Variants in RSU1 observed in about 807,000 individuals in gnomAD.
The protein encoded by RSU1 is Ras suppressor protein 1.
A neutral mutation model predicts 31.1 loss-of-function variants in RSU1; 26 were observed. The ratio of observed to expected loss-of-function variants is 0.84; its 90% CI spans 0.61 to 1.16. The LOEUF is 1.16. Among genes scored for constraint, RSU1 ranks in the 50% most tolerant of loss-of-function variants. The probability of loss-of-function intolerance (pLI) is 0.00; values close to 1 mark genes in which losing one functional copy is unlikely to be tolerated. For synonymous variants in RSU1, 164 were observed against 136.3 expected (o/e 1.20, Z -1.41); for missense variants, 320 against 339.1 (o/e 0.94, Z 0.44).
intron 4 of RSU1, among the ~76,000 whole-genome samples, chr10:16,761,074 G>C (rs1227875848): frequency 1.3e-5 from 2 of 152,090 alleles, no homozygotes; most frequent in Non-Finnish European, 2.9e-5. Flanking sequence ...CCCAGGTAGA[G>C]TAGCTGCGAT....
chr10:16,776,935 TTG>T lies in RSU1; in HGVS notation c.160+5097_160+5098del, dbSNP rs1246041484. Among the ~76,000 whole-genome samples the T allele has an allele frequency of 2.6e-5, 4 of 152,114 alleles. No individual in the cohort carries two copies. The East Asian group carries it at 7.7e-4, about 29-fold the overall frequency. On this transcript the variant is annotated intron_variant, in intron 3 of 8. Transcript: ENST00000345264. ...TTTTTATTTTTTTTTAATTTTTTTT[TTG>T]AGATAGGGTCTTGCCCTGTCACCCA... is the stretch of plus-strand genomic sequence containing the variant.
intron 8 of RSU1, among the ~76,000 whole-genome samples, chr10:16,635,359 C>T (rs1389418671): frequency 6.6e-6 from 1 of 152,212 alleles, no homozygotes; most frequent in Non-Finnish European, 1.5e-5. Flanking sequence ...CTGCAAAACT[C>T]TAATATGATA....
chr10:16,592,235 A>C lies in RSU1; in HGVS notation c.*1159T>G, dbSNP rs1214529596. On this transcript the variant is annotated 3_prime_UTR_variant, in exon 9 of 9. Coordinates refer to ENST00000345264, the MANE Select transcript of RSU1 (RefSeq NM_012425.4). ...AAGGGCAGGCCCCCTCTCCCAGGCC[A>C]TTTGACTCTCCCAGGCCATTTGAAA... is the stretch of plus-strand genomic sequence containing the variant. 6.6e-6 allele frequency: 1 copy of C among 152,134 alleles called. No homozygotes were observed. The highest frequency in any genetic ancestry group is 1.9e-4 in the East Asian group (1 of 5,196). The allele number at this position is 152,134 out of a possible 1,614,324, so 9.4% of individuals were successfully genotyped here.
chr10:16,789,988 G>C (rs946644411), intron 2 of RSU1, among the ~76,000 whole-genome samples: 2 of 152,154 alleles, frequency 1.3e-5, no homozygotes, highest in Non-Finnish European at 2.9e-5. Context: ...TTAGGTGAAC[G>C]TTGGATCTGG....
At chr10:16,694,737 A>ATTTCTT (rs1400446873) in intron 8 of RSU1, among the ~76,000 whole-genome samples, 2 of 151,794 alleles carry the variant, frequency 1.3e-5, no homozygotes, top group African/African-American at 2.4e-5. Context: ...TGCCTGGATA[A>ATTTCTT]TTTCTTTTTC....
intron 8 of RSU1, among the ~76,000 whole-genome samples, chr10:16,647,818 G>A (rs1790759507): frequency 2.0e-5 from 3 of 152,116 alleles, no homozygotes; most frequent in Admixed American, 6.5e-5. Flanking sequence ...AATTGTATGG[G>A]ATGTGAATTT....
intron 8 of RSU1, among the ~76,000 whole-genome samples, chr10:16,690,143 G>C (rs1835516547): frequency 6.6e-6 from 1 of 151,670 alleles, no homozygotes; most frequent in Non-Finnish European, 1.5e-5. Context: ...CCTCTCCTGG[G>C]GGAAAAAAAT....
chr10:16,601,741 C>T (rs1833718353), intron 8 of RSU1, among the ~76,000 whole-genome samples: 1 of 152,186 alleles, frequency 6.6e-6, no homozygotes, highest in African/African-American at 2.4e-5. Flanking sequence ...CGCCTAATGT[C>T]CTCTCTTTCT....
chr10:16,631,332 C>A (rs895833364), intron 8 of RSU1, among the ~76,000 whole-genome samples: 21 of 152,322 alleles, frequency 1.4e-4, no homozygotes, highest in Non-Finnish European at 2.1e-4. Context: ...GCCCAGGGCG[C>A]ACTGGCACTG....
chr10:16,752,900 T>C lies in RSU1; in HGVS notation c.483+18A>G. The C allele has an allele frequency of 6.2e-7, 1 of 1,604,720 alleles. No homozygotes were observed. ...CAGCAGTGAATTGATTTTCTAAGAA[T>C]TTAGATAAATTACTTACTATCTGCA... On this transcript the variant is annotated intron_variant, in intron 6 of 8. Coordinates refer to ENST00000345264, the MANE Select transcript of RSU1 (RefSeq NM_012425.4).
chr10:16,608,219 T>C (rs893221480), intron 8 of RSU1, among the ~76,000 whole-genome samples: 82 of 152,356 alleles, frequency 5.4e-4, no homozygotes, highest in Non-Finnish European at 8.8e-5. Flanking sequence ...GTTCCACTTA[T>C]GGAGCAGACC....
At chr10:16,786,050 T>G (rs1291082436) in intron 2 of RSU1, among the ~76,000 whole-genome samples, 1 of 152,132 alleles carries the variant, frequency 6.6e-6, no homozygotes, top group Non-Finnish European at 1.5e-5. Flanking sequence ...ATCTAAAATT[T>G]CGTTGGTGAC....
chr10:16,757,265 A>T (rs573106921), intron 4 of RSU1, among the ~76,000 whole-genome samples: 2 of 152,144 alleles, frequency 1.3e-5, no homozygotes, highest in Non-Finnish European at 2.9e-5. Flanking sequence ...AATTTAATAA[A>T]AGTTGACAGA....
At chr10:16,664,689 T>C (rs112707296) in intron 8 of RSU1, among the ~76,000 whole-genome samples, 33 of 152,340 alleles carry the variant, frequency 2.2e-4, no homozygotes, top group African/African-American at 7.2e-4. Flanking sequence ...CTGAGACTTC[T>C]TTGAACTCTA....
intron 3 of RSU1, among the ~76,000 whole-genome samples, chr10:16,769,812 G>T (rs1284986236): frequency 1.4e-4 from 22 of 152,168 alleles, no homozygotes; most frequent in Non-Finnish European, 2.1e-4. Context: ...TTGAGCCTGG[G>T]GAACTGATGA....
intron 3 of RSU1, among the ~76,000 whole-genome samples, chr10:16,774,733 C>T (rs1837493392): frequency 6.6e-6 from 1 of 152,224 alleles, no homozygotes; most frequent in Non-Finnish European, 1.5e-5. Flanking sequence ...GGAATTACAA[C>T]CATCACGTGC....
At chr10:16,684,059 A>G (rs1835390772) in intron 8 of RSU1, among the ~76,000 whole-genome samples, 1 of 152,154 alleles carries the variant, frequency 6.6e-6, no homozygotes, top group Non-Finnish European at 1.5e-5. Context: ...AATGTTCCCT[A>G]TTCAGACCTA....
In RSU1 at chr10:16,722,909, T is replaced by TATACATATATGTATATATACACACAC; in HGVS notation, c.599-27755_599-27754insGTGTGTGTATATATACATATATGTAT. On this transcript the variant is annotated intron_variant, in intron 7 of 8. Coordinates refer to ENST00000345264, the MANE Select transcript of RSU1 (RefSeq NM_012425.4). ...ATACATATATGTATATATACACACA[T>TATACATATATGTATATATACACACAC]ATACATATATGTATATATACACACA... 1.3e-5 allele frequency among the ~76,000 whole-genome samples: 2 copies of TATACATATATGTATATATACACACAC among 148,420 alleles called. 1 individual carries two copies. Among genetic ancestry groups the TATACATATATGTATATATACACACAC allele is most frequent in the East Asian group, 4.3e-4 (2 of 4,650 alleles).
At chr10:16,703,914 T>G (rs1471495543) in intron 7 of RSU1, among the ~76,000 whole-genome samples, 1 of 152,200 alleles carries the variant, frequency 6.6e-6, no homozygotes, top group Non-Finnish European at 1.5e-5. Flanking sequence ...GTTCTCAAAC[T>G]TGAGTGTGCA....
Sources: allele counts gnomAD v4.1 joint callset (sites outside exome capture counted in the v4.1 genomes callset), GRCh38; gene constraint gnomAD v4.1.1; transcripts MANE v1.5; gene names NCBI Gene and HGNC (gene_info 2026-07-23, HGNC 2026-07-21).